Variants in MUC6 observed in about 807,000 individuals in gnomAD.
The protein encoded by MUC6 is mucin 6, oligomeric mucus/gel-forming (gene/pseudogene), also known as mucin-6.
MUC6 carries 188 observed loss-of-function variants against 201.5 expected under a neutral mutation model. That is an observed-to-expected ratio of 0.93 (90% confidence interval 0.83 to 1.05). The LOEUF (loss-of-function observed/expected upper bound fraction) is 1.05, where lower values mean the gene tolerates loss of function less well. MUC6 is among the 50% of genes least tolerant of loss of function. The pLI is 0.00. For missense variants in MUC6, 2,706 were observed against 3,256.9 expected, an observed-to-expected ratio of 0.83 and a Z score of 4.12; for synonymous variants, 1,228 against 1,389.4, an observed-to-expected ratio of 0.88 and a Z score of 2.58.
intron 31 of MUC6, among the ~76,000 whole-genome samples, chr11:1,014,975 G>A (rs1856568104): frequency 1.3e-5 from 2 of 152,228 alleles, no homozygotes; most frequent in African/African-American, 4.8e-5. Flanking sequence ...TTGCAGCAAC[G>A]AGCTGCCACC....
chr11:1,015,865 CA>C lies in MUC6; in HGVS notation c.6935del (p.Leu2312CysfsTer8). The C allele has an allele frequency of 6.2e-7, 1 of 1,607,540 alleles. No individual in the cohort carries two copies. Among genetic ancestry groups the C allele is most frequent in the Non-Finnish European group, 8.5e-7 (1 of 1,176,402 alleles). The stretch of plus-strand genomic sequence containing the variant: ...TGGTCAGGAACCGTGTGGTAGGCGA[CA>C]AGGTGGGACCAGGGTGCCTGGTGGT... ...NLTTRHPGPT[L>X]SPTTRFLTSS... is the part of the protein sequence containing the mutation. On this transcript the variant is annotated frameshift_variant, in exon 31 of 33. Transcript: ENST00000421673. LOFTEE classifies it high-confidence loss of function.
chr11:1,025,152 G>A lies in MUC6; in HGVS notation c.2985+30C>T, dbSNP rs775646656. On this transcript the variant is annotated intron_variant, in intron 23 of 32. Coordinates refer to ENST00000421673, the MANE Select transcript of MUC6 (RefSeq NM_005961.3). The stretch of plus-strand genomic sequence containing the variant: ...TGTCTCCACCCCTGCATCAGGGAGG[G>A]CCTGGGAGGAGGCAGAGGGCGTGCG... 3.1e-6 allele frequency: 5 copies of A among 1,610,270 alleles called. No individual in the cohort carries two copies. The African/African-American group carries it at 5.3e-5, about 17-fold the overall frequency.
At chr11:1,023,913 G>T in intron 25 of MUC6, 34 bp downstream of exon 25, 1 of 1,604,942 alleles carries the variant, frequency 6.2e-7, no homozygotes, top group Non-Finnish European at 8.5e-7. Context: ...GGTGGCAGGG[G>T]CTGGAGCAAC....
rs116740361 is a variant in MUC6 at position 1,030,111 on chromosome 11, G to A, written c.1015+102C>T. ...AGAGCTGGGACTCAGGCAGCAGAAT[G>A]TTGGGGTGACCTGGGTCGGGGTGGG... On this transcript the variant is annotated intron_variant, in intron 8 of 32. Transcript: ENST00000421673. The A allele has an allele frequency of 1.2e-3, 1,568 of 1,358,420 alleles. 22 individuals are homozygous for A. The African/African-American group carries it at 0.02, about 17-fold the overall frequency. 84.1% of individuals were successfully genotyped at this position (1,358,420 alleles called of 1,614,324 possible).
At chr11:1,036,042 C>T (rs1020150806) in intron 1 of MUC6, among the ~76,000 whole-genome samples, 4 of 152,040 alleles carry the variant, frequency 2.6e-5, no homozygotes, top group East Asian at 3.9e-4. Flanking sequence ...GGTAGGGGAG[C>T]GCGGGGGAGA....
rs756566786 is a variant in MUC6, at chr11:1,019,510, C to A, written c.3809-14G>T. The A allele has an allele frequency of 6.2e-7, 1 of 1,606,340 alleles. No homozygotes were observed. The highest frequency in any genetic ancestry group is 8.5e-7 in the Non-Finnish European group (1 of 1,174,128). ...GTCTAGGTGGTTCTGCAGAGGACAG[C>A]CGCCCGGAACATCCCCTTGCTGTGG... On this transcript the variant is annotated splice_polypyrimidine_tract_variant and intron_variant, in intron 29 of 32. Transcript: ENST00000421673.
chr11:1,013,989 A>T lies in MUC6; in HGVS notation c.7052T>A (p.Val2351Glu). Residue 2351 changes from valine to glutamate, a missense_variant, in exon 32 of 33, where the codon GTG becomes GAG. By Grantham distance (121) the Val-to-Glu change is moderately radical. Transcript: ENST00000421673. Reference protein sequence around the residue: ...PTPTSPGVCSVREQQEEITFK... With the variant: ...PTPTSPGVCSEREQQEEITFK... ...CGTGATCTCCTCCTGCTGCTCCCGC[A>T]CACTGCAGACCCCTGGTAGCCGAGT... is the stretch of plus-strand genomic sequence containing the variant. 1 of 1,607,874 alleles carries T rather than the reference A, an allele frequency of 6.2e-7. No individual in the cohort carries two copies. The highest frequency in any genetic ancestry group is 1.3e-5 in the African/African-American group (1 of 74,976).
Position 1,016,464 on chromosome 11 carries a change from G to T in MUC6, c.6337C>A (p.His2113Asn), listed in dbSNP as rs765067724. 3.1e-6 allele frequency: 5 copies of T among 1,613,662 alleles called. No homozygotes were observed. The highest frequency in any genetic ancestry group is 4.2e-6 in the Non-Finnish European group (5 of 1,179,864). The change falls in exon 31 of 33, where the codon CAC (histidine) becomes AAC (asparagine). Residue 2113 changes from histidine to asparagine, a missense_variant. Transcript: ENST00000421673. ...PSSPITTQLP[H>N]LSSATTPVST... ...ACAGGAGTGGTTGCAGAACTCAAGT[G>T]GGGGAGTTGTGTGGTGATAGGTGAT...
At chr11:1,013,726 C>T in intron 32 of MUC6, 93 bp from the exon 33 acceptor site, 1 of 1,445,108 alleles carries the variant, frequency 6.9e-7, no homozygotes, top group Non-Finnish European at 9.4e-7. Context: ...GAGGCCTGGA[C>T]CTCCCCGCTG....
In MUC6 at chr11:1,016,607, G is replaced by A. The variant is rs1207955980; in HGVS notation, c.6194C>T (p.Thr2065Ile). The change falls in exon 31 of 33, where the codon ACA becomes ATA. Residue 2065 changes from threonine (T) to isoleucine (I), a missense_variant. By Grantham distance (89) the Thr-to-Ile change is moderately conservative (BLOSUM62 -1). Transcript: ENST00000421673. ...TTGGCTGGTCCCACTGGTGGTCACT[G>A]TCATTGGTGGGGCTGTGTGGGTGGA... ...TGSTHTAPPMTVTTSGTSQTH... is the reference protein window; with the variant it reads ...TGSTHTAPPMIVTTSGTSQTH... The A allele has an allele frequency of 8.1e-6, 13 of 1,613,058 alleles. No homozygotes were observed. The highest frequency in any genetic ancestry group is 1.0e-5 in the Non-Finnish European group (12 of 1,179,110).
At chr11:1,020,868 C>T (rs1156937870) in intron 27 of MUC6, 134 bp from the exon 28 acceptor site, 2 of 1,140,580 alleles carry the variant, frequency 1.8e-6, no homozygotes, top group African/African-American at 1.6e-5. Context: ...GGCTGGGAGC[C>T]CACCCTCCCC....
At position 1,016,029 on chromosome 11, in the gene MUC6, T is replaced by A. The variant is rs1259159691; in HGVS notation, c.6772A>T (p.Thr2258Ser). 6.2e-7 allele frequency: 1 copy of A among 1,609,214 alleles called. No individual in the cohort carries two copies. The highest frequency in any genetic ancestry group is 1.7e-5 in the Admixed American group (1 of 59,856). ...GAGGAGAAGGCAGGGGCGGTGTGGG[T>A]GCTGGCCGTGGTCCTGGGCGTGGAC... ...FPSTPRTTAS[T>S]HTAPAFSSQS... The change falls in exon 31 of 33, where the codon ACC (threonine) becomes TCC (serine). Residue 2258 changes from threonine to serine, a missense_variant. Around this residue, in one of 10 missense-constraint regions of MUC6, gnomAD observed 586 missense variants for 488.0 expected, o/e 1.20. Coordinates refer to ENST00000421673, the MANE Select transcript of MUC6 (RefSeq NM_005961.3).
In MUC6 at chr11:1,024,829, G is replaced by A. The variant is rs762048115; in HGVS notation, c.3225+15C>T. On this transcript the variant is annotated intron_variant, in intron 24 of 32. Transcript: ENST00000421673. The stretch of plus-strand genomic sequence containing the variant: ...GTGGAGGGGCAGGCGCACAGCCCTC[G>A]TGCCCGGTGCCCACCTTGCTGTGGC... 115 of 1,603,720 alleles carry A rather than the reference G, an allele frequency of 7.2e-5. No individual in the cohort carries two copies. The highest frequency in any genetic ancestry group is 2.2e-4 in the Admixed American group (13 of 59,776).
At position 1,026,483 on chromosome 11, in the gene MUC6, AG is replaced by A. The variant is rs1222052569; in HGVS notation, c.2395-6del. On this transcript the variant is annotated splice_region_variant and splice_polypyrimidine_tract_variant and intron_variant, in intron 19 of 32. Transcript: ENST00000421673. ...AGGCTCACACTTGGTGGGCACCTGG[AG>A]GGAGGCAGGTCAGCAGCTCCTGGGA... is the stretch of plus-strand genomic sequence containing the variant. 5.7e-6 allele frequency: 9 copies of A among 1,579,812 alleles called. No homozygotes were observed. Among genetic ancestry groups the A allele is most frequent in the Non-Finnish European group, 6.9e-6 (8 of 1,163,998 alleles).
intron 31 of MUC6, among the ~76,000 whole-genome samples, chr11:1,014,361 G>A (rs1303428013): frequency 6.6e-6 from 1 of 152,188 alleles, no homozygotes; most frequent in Non-Finnish European, 1.5e-5. Context: ...GGGCCTCTCT[G>A]GTTGGCCAGA....
Position 1,025,988 on chromosome 11 carries a change from C to G in MUC6, c.2688+12G>C. Reference sequence around the variant, plus strand: ...GGTCCCCGGCCCCTGCGGCCTGGCACCCGATGGTTACCGTGGCCAGGATGT... The same window carrying G: ...GGTCCCCGGCCCCTGCGGCCTGGCAGCCGATGGTTACCGTGGCCAGGATGT... On this transcript the variant is annotated intron_variant, in intron 21 of 32. Coordinates refer to ENST00000421673, the MANE Select transcript of MUC6 (RefSeq NM_005961.3). 1.3e-6 allele frequency: 2 copies of G among 1,587,246 alleles called. No homozygotes were observed. Among genetic ancestry groups the G allele is most frequent in the Non-Finnish European group, 1.7e-6 (2 of 1,167,198 alleles).
At position 1,025,233 on chromosome 11, in the gene MUC6, G is replaced by C; in HGVS notation, c.2934C>G (p.Leu978=). 1.9e-6 allele frequency: 3 copies of C among 1,612,776 alleles called. No homozygotes were observed. Among genetic ancestry groups the C allele is most frequent in the Non-Finnish European group, 2.5e-6 (3 of 1,179,812 alleles). The change falls in exon 23 of 33, where the codon CTC becomes CTG. Residue 978 remains leucine (L), a synonymous_variant. Transcript: ENST00000421673. ...GGATGGTCATGTGCCTGTTCCAGATGAGCGTCAGGTTGTACCTCCCGGGGA... is the reference window on the plus strand; with the variant it reads ...GGATGGTCATGTGCCTGTTCCAGATCAGCGTCAGGTTGTACCTCCCGGGGA... ...ISIPGRYNLT[L]IWNRHMTILI...
Position 1,029,501 on chromosome 11 carries a change from T to A in MUC6, c.1130A>T (p.Gln377Leu). 6.2e-7 allele frequency: 1 copy of A among 1,612,180 alleles called. No individual in the cohort carries two copies. The highest frequency in any genetic ancestry group is 8.5e-7 in the Non-Finnish European group (1 of 1,179,698). ...CCTCCGGCGCCTCACTCACCAGGTT[T>A]GGCAGGCAGCTATTGTGACCTCCCC... ...APGEVTIAACQTCRCTLGRWV... is the reference protein window; with the variant it reads ...APGEVTIAACLTCRCTLGRWV... The change falls in exon 9 of 33, where the codon CAA becomes CTA. Residue 377 changes from glutamine (Q) to leucine (L), a missense_variant. Coordinates refer to ENST00000421673, the MANE Select transcript of MUC6 (RefSeq NM_005961.3).
chr11:1,013,419 C>T lies in MUC6; in HGVS notation c.*37G>A, dbSNP rs1463359351. ...TGGGTGTTTTCCTGTCTGTCATCTG[C>T]AGTCCTTCAGCCCCAGGAGAGCAGG... is the stretch of plus-strand genomic sequence containing the variant. On this transcript the variant is annotated 3_prime_UTR_variant, in exon 33 of 33. Coordinates refer to ENST00000421673, the MANE Select transcript of MUC6 (RefSeq NM_005961.3). 2 of 1,529,316 alleles carry T rather than the reference C, an allele frequency of 1.3e-6. No homozygotes were observed. Among genetic ancestry groups the T allele is most frequent in the Non-Finnish European group, 1.8e-6 (2 of 1,135,740 alleles). 94.7% of individuals were successfully genotyped at this position (1,529,316 alleles called of 1,614,324 possible).
Sources: gnomAD v4.1 joint callset for allele counts (sites outside exome capture counted in the v4.1 genomes callset) on GRCh38, gnomAD v4.1.1 for gene constraint, gnomAD v4.1.1 regional missense constraint, MANE v1.5 for transcripts, NCBI Gene and HGNC (gene_info 2026-07-23, HGNC 2026-07-21) for gene names.